The following RARB variants were observed in gnomAD, a reference collection of about 807,000 sequenced individuals.
RARB encodes the protein retinoic acid receptor beta, also known as HBV-activated protein.
Under a neutral mutation model 51.9 loss-of-function variants are expected in RARB, and 17 were observed. That is an observed-to-expected ratio of 0.33 (90% CI 0.22 to 0.49). The LOEUF (loss-of-function observed/expected upper bound fraction) is 0.49. RARB is among the 20% of genes least tolerant of loss of function. The pLI is 0.99. For synonymous variants in RARB, 215 were observed against 195.4 expected (o/e 1.10, Z -0.84); for missense variants, 369 against 550.8 (o/e 0.67, Z 3.30).
At chr3:25,304,556 C>T (rs1704113761) in intron 5 of RARB, among the ~76,000 whole-genome samples, 1 of 152,152 alleles carries the variant, frequency 6.6e-6, no homozygotes, top group African/African-American at 2.4e-5. Flanking sequence ...TTTGACTCTT[C>T]TTTCATGCCC....
chr3:25,368,618 C>T (rs929380835), intron 5 of RARB, among the ~76,000 whole-genome samples: 2 of 152,210 alleles, frequency 1.3e-5, no homozygotes, highest in Non-Finnish European at 2.9e-5. Context: ...CATGATAAGG[C>T]ACTCCTGGTT....
At chr3:24,928,624 C>A (rs1004117260) in intron 2 of RARB, among the ~76,000 whole-genome samples, 2 of 151,924 alleles carry the variant, frequency 1.3e-5, no homozygotes, top group African/African-American at 2.4e-5. Flanking sequence ...AGCTTCTCAG[C>A]AAAAAGTGTT....
At chr3:24,972,765 T>A (rs1696428623) in intron 2 of RARB, among the ~76,000 whole-genome samples, 1 of 152,064 alleles carries the variant, frequency 6.6e-6, no homozygotes, top group Non-Finnish European at 1.5e-5. Context: ...TTTTTTCATA[T>A]ACCCCGTGGC....
Position 25,594,813 on chromosome 3 carries a change from A to AAGG in RARB, c.1150+137_1150+139dup, listed in dbSNP as rs201303534. The AAGG allele has an allele frequency of 1.2e-4, 96 of 790,978 alleles. 1 individual carries two copies. The African/African-American group carries it at 1.4e-3, about 12-fold the overall frequency. The allele number at this position is 790,978 out of a possible 1,614,324, so 49.0% of individuals were successfully genotyped here. On this transcript the variant is annotated intron_variant, in intron 7 of 7. Coordinates refer to ENST00000330688, the MANE Select transcript of RARB (RefSeq NM_000965.5). ...GGAACTCATTTCTCATTGAAATCAA[A>AAGG]AGGAAATACTATCCCTCCCCCCTCT...
intron 2 of RARB, among the ~76,000 whole-genome samples, chr3:24,868,372 T>C (rs1167756614): frequency 6.6e-6 from 1 of 152,198 alleles, no homozygotes; most frequent in Non-Finnish European, 1.5e-5. Context: ...ATAAAGCTTT[T>C]AAAAAGTGAA....
At chr3:25,186,469 A>T (rs1416877619) in intron 5 of RARB, among the ~76,000 whole-genome samples, 1 of 152,134 alleles carries the variant, frequency 6.6e-6, no homozygotes, top group Non-Finnish European at 1.5e-5. Context: ...AACCTCTTTA[A>T]TATGAATTTA....
chr3:24,967,511 G>A (rs969379879), intron 2 of RARB, among the ~76,000 whole-genome samples: 2 of 152,094 alleles, frequency 1.3e-5, no homozygotes, highest in Admixed American at 6.6e-5. Flanking sequence ...CAAGTGTAGT[G>A]TTTCTCCGAC....
chr3:25,472,084 A>C (rs982185333), intron 2 of RARB, among the ~76,000 whole-genome samples: 5 of 152,204 alleles, frequency 3.3e-5, no homozygotes, highest in Non-Finnish European at 5.9e-5. Flanking sequence ...TAGTGTTTCT[A>C]ATGCATTTTC....
intron 2 of RARB, among the ~76,000 whole-genome samples, chr3:24,949,826 T>A (rs2125405043): frequency 6.6e-6 from 1 of 152,266 alleles, no homozygotes; most frequent in African/African-American, 2.4e-5. Flanking sequence ...CAAGATGAAT[T>A]TGATTTGTTC....
intron 2 of RARB, among the ~76,000 whole-genome samples, chr3:24,972,842 T>G (rs1696430720): frequency 1.3e-5 from 2 of 152,048 alleles, no homozygotes; most frequent in South Asian, 4.1e-4. Flanking sequence ...TCAAGTTTAT[T>G]TGCTACTGAG....
chr3:25,490,902 T>C (rs1696701328), intron 2 of RARB, among the ~76,000 whole-genome samples: 1 of 152,190 alleles, frequency 6.6e-6, no homozygotes, highest in African/African-American at 2.4e-5. Context: ...AAAGAAAGCA[T>C]GTGGAGAAGA....
At chr3:25,091,620 T>C (rs1699201445) in intron 3 of RARB, among the ~76,000 whole-genome samples, 2 of 152,146 alleles carry the variant, frequency 1.3e-5, no homozygotes, top group African/African-American at 2.4e-5. Context: ...CTCATATACA[T>C]AAATGCATGC....
At chr3:25,018,657 T>C (rs545023039) in intron 2 of RARB, among the ~76,000 whole-genome samples, 1 of 152,318 alleles carries the variant, frequency 6.6e-6, no homozygotes, top group Non-Finnish European at 1.5e-5. Context: ...AATATTCATG[T>C]AGTTAGAAAA....
intron 5 of RARB, among the ~76,000 whole-genome samples, chr3:25,262,837 G>C (rs1703038082): frequency 6.6e-6 from 1 of 152,282 alleles, no homozygotes; most frequent in South Asian, 2.1e-4. Context: ...CATTCTGCCT[G>C]TCACAATATC....
At chr3:25,049,617 A>G (rs1241508735) in intron 2 of RARB, among the ~76,000 whole-genome samples, 1 of 152,262 alleles carries the variant, frequency 6.6e-6, no homozygotes, top group Non-Finnish European at 1.5e-5. Flanking sequence ...TGTAGTGTTA[A>G]AAATTAAAGC....
chr3:25,521,587 A>G (rs912231181), intron 3 of RARB, among the ~76,000 whole-genome samples: 1 of 151,712 alleles, frequency 6.6e-6, no homozygotes, highest in South Asian at 2.1e-4. Context: ...GTAGGAAGGA[A>G]TGAATATACA....
rs145471929 is a variant in RARB, at chr3:24,908,385, C to A, written c.-380+49633C>A. On this transcript the variant is annotated intron_variant, in intron 2 of 11. Coordinates refer to the RARB transcript ENST00000383772. ...CTACACTAGAAGAAGAGATTACAGT[C>A]ACCATATGCTATGTACATTGAAAGT... Among the ~76,000 whole-genome samples, 71 of 152,216 alleles carry A rather than the reference C, an allele frequency of 4.7e-4. No individual in the cohort carries two copies. In the Middle Eastern group the frequency reaches 0.01, roughly 22 times the overall value.
intron 3 of RARB, among the ~76,000 whole-genome samples, chr3:25,117,709 G>T (rs1350287614): frequency 2.0e-5 from 3 of 152,066 alleles, no homozygotes; most frequent in African/African-American, 7.2e-5. Flanking sequence ...TCAACTGTTG[G>T]GCTCAAGGAA....
At chr3:25,389,704 C>T (rs1379979333) in intron 5 of RARB, among the ~76,000 whole-genome samples, 1 of 152,144 alleles carries the variant, frequency 6.6e-6, no homozygotes, top group Non-Finnish European at 1.5e-5. Context: ...GGCTTATTTG[C>T]TATGGACCTA....
Sources: allele counts gnomAD v4.1 joint callset (sites outside exome capture counted in the v4.1 genomes callset), GRCh38; gene constraint gnomAD v4.1.1; transcripts MANE v1.5; gene names NCBI Gene and HGNC (gene_info 2026-07-23, HGNC 2026-07-21).